Variants in OOSP3 observed in about 807,000 individuals in gnomAD.
The protein encoded by OOSP3 is oocyte secreted protein family member 3.
rs572501634 is a variant in OOSP3, at chr11:59,880,615, A to T, written c.252+176A>T. ...ACTTGGCCATAAAATATCATGGCAC[A>T]TAGCCCATTGTGGAGGAGAATACTT... On this transcript the variant is annotated intron_variant, in intron 2 of 4. Coordinates refer to ENST00000646438, the Ensembl canonical transcript of OOSP3. Among the ~76,000 whole-genome samples, 9 of 152,340 alleles carry T rather than the reference A, an allele frequency of 5.9e-5. No homozygotes were observed. The South Asian group carries it at 1.0e-3, about 18-fold the overall frequency.
At chr11:59,894,354 C>T (rs1179906223) in intron 3 of OOSP3, among the ~76,000 whole-genome samples, 178 bp downstream of exon 3, 1 of 152,196 alleles carries the variant, frequency 6.6e-6, no homozygotes, top group Admixed American at 6.5e-5. Flanking sequence ...GATGCTCTGC[C>T]CAAATGCCCT....
chr11:59,883,733 CAG>C (rs1269806975), intron 2 of OOSP3, among the ~76,000 whole-genome samples: 5 of 152,120 alleles, frequency 3.3e-5, no homozygotes, highest in Admixed American at 2.0e-4. Flanking sequence ...TTAAGAAAGA[CAG>C]GGGACTGCAC....
intron 2 of OOSP3, 43 bp from the exon 3 acceptor site, chr11:59,894,036 G>A: frequency 2.5e-6 from 1 of 398,238 alleles, no homozygotes; most frequent in African/African-American, 2.1e-5. Context: ...TAAAACTCCT[G>A]TGTGACATGA....
At chr11:59,893,385 T>G (rs1853329122) in intron 2 of OOSP3, among the ~76,000 whole-genome samples, 1 of 152,192 alleles carries the variant, frequency 6.6e-6, no homozygotes. Flanking sequence ...GACAGAGTCT[T>G]GTTCTGTCAT....
intron 3 of OOSP3, among the ~76,000 whole-genome samples, chr11:59,895,128 A>G (rs942466735): frequency 1.3e-5 from 2 of 152,182 alleles, no homozygotes; most frequent in Admixed American, 6.5e-5. Context: ...TTCAGGATCA[A>G]TGGATGAATG....
At chr11:59,886,476 A>G (rs540696922) in intron 2 of OOSP3, among the ~76,000 whole-genome samples, 1 of 152,324 alleles carries the variant, frequency 6.6e-6, no homozygotes, top group South Asian at 2.1e-4. Context: ...TTGAGTATAT[A>G]CCCAGTAATG....
chr11:59,889,224 T>C (rs535339165), intron 2 of OOSP3, among the ~76,000 whole-genome samples: 42 of 151,386 alleles, frequency 2.8e-4, no homozygotes, highest in African/African-American at 9.1e-4. Flanking sequence ...ACCTATTTTG[T>C]TGATTTTTTT....
chr11:59,888,393 G>A (rs1025429175), intron 2 of OOSP3, among the ~76,000 whole-genome samples: 1 of 152,166 alleles, frequency 6.6e-6, no homozygotes, highest in East Asian at 1.9e-4. Flanking sequence ...CAAGGGGAAT[G>A]TTTACAGGTT....
chr11:59,895,391 A>G (rs913237213), intron 3 of OOSP3, 111 bp from the exon 4 acceptor site: 1 of 392,934 alleles, frequency 2.5e-6, no homozygotes, highest in African/African-American at 2.1e-5. Context: ...TAAGTCTACT[A>G]CTGCTAAAGT....
chr11:59,882,560 C>T (rs998514007), intron 2 of OOSP3, among the ~76,000 whole-genome samples: 2 of 152,056 alleles, frequency 1.3e-5, no homozygotes, highest in African/African-American at 4.8e-5. Context: ...AAAGATTTTC[C>T]ATTTAAAGGG....
intron 2 of OOSP3, among the ~76,000 whole-genome samples, chr11:59,886,070 A>C (rs991891125): frequency 2.0e-5 from 3 of 151,222 alleles, no homozygotes; most frequent in Non-Finnish European, 4.4e-5. Context: ...ACAAGCCCCT[A>C]TGTGTGTTAT....
rs116529555 is a variant in OOSP3, at chr11:59,885,515, A to G, written c.252+5076A>G. On this transcript the variant is annotated intron_variant, in intron 2 of 4. Transcript: ENST00000646438. Reference sequence around the variant, plus strand: ...TCCCCAGTGTGTGTTGTTGTCCCCCATGTGTCCATGTGTTCTCATCATTCA... The same window carrying G: ...TCCCCAGTGTGTGTTGTTGTCCCCCGTGTGTCCATGTGTTCTCATCATTCA... Among the ~76,000 whole-genome samples the G allele has an allele frequency of 9.5e-3, 1,448 of 151,992 alleles. 14 individuals carry two copies. Among genetic ancestry groups the G allele is most frequent in the African/African-American group, 0.033 (1,363 of 41,450 alleles).
chr11:59,895,305 C>A (rs1464428667), intron 3 of OOSP3, among the ~76,000 whole-genome samples, 197 bp from the exon 4 acceptor site: 5 of 133,590 alleles, frequency 3.7e-5, no homozygotes, highest in African/African-American at 8.4e-5. Flanking sequence ...TTTTTTTGGA[C>A]TAACGCCCCT....
chr11:59,891,522 C>T (rs549354851), intron 2 of OOSP3, among the ~76,000 whole-genome samples: 2 of 152,240 alleles, frequency 1.3e-5, no homozygotes, highest in South Asian at 2.1e-4. Flanking sequence ...ATTCAGAACC[C>T]GCTTCTGCAA....
chr11:59,888,014 C>T (rs1025689963), intron 2 of OOSP3, among the ~76,000 whole-genome samples: 7 of 152,184 alleles, frequency 4.6e-5, no homozygotes, highest in African/African-American at 1.4e-4. Flanking sequence ...AGAAGTCCTT[C>T]ACTTCCCTTG....
intron 1 of OOSP3, among the ~76,000 whole-genome samples, chr11:59,879,521 TA>T (rs1468229616): frequency 6.6e-6 from 1 of 152,048 alleles, no homozygotes; most frequent in Admixed American, 6.6e-5. Context: ...GTTTTTTTTT[TA>T]AACCATGAAA....
At position 59,884,467 on chromosome 11, in the gene OOSP3, GTCTGTCTGTCTCTCTCTCTCTCTCTCTC is replaced by G. The variant is rs1161186166; in HGVS notation, c.252+4032_252+4059del. On this transcript the variant is annotated intron_variant, in intron 2 of 4. Coordinates refer to ENST00000646438, the Ensembl canonical transcript of OOSP3. Reference sequence around the variant, plus strand: ...TGTCTGTTTGTCTGTCTGTCTGTCTGTCTGTCTGTCTCTCTCTCTCTCTCTCTCTCTCTCTCTCTCTCTCTCTCTCTCT... The same window carrying G: ...TGTCTGTTTGTCTGTCTGTCTGTCTGTCTCTCTCTCTCTCTCTCTCTCTCT... 6.5e-3 allele frequency among the ~76,000 whole-genome samples: 794 copies of G among 121,980 alleles called. 6 individuals are homozygous for G. The highest frequency in any genetic ancestry group is 0.023 in the African/African-American group (708 of 30,182). The allele number at this position is 121,980 out of a possible 152,430, so 80.0% of individuals were successfully genotyped here. A position where few individuals can be genotyped will look rare whatever the true frequency, so the allele number is the denominator to read the frequency against.
intron 2 of OOSP3, among the ~76,000 whole-genome samples, chr11:59,884,449 TTGTCTGTCTGTC>T (rs1174429243): frequency 4.7e-4 from 66 of 139,764 alleles, no homozygotes; most frequent in African/African-American, 1.3e-3. Flanking sequence ...TCATGTCTGT[TTGTCTGTCTGTC>T]TGTCTGTCTG....
intron 2 of OOSP3, among the ~76,000 whole-genome samples, chr11:59,883,179 G>A (rs960699504): frequency 6.6e-6 from 1 of 152,090 alleles, no homozygotes; most frequent in African/African-American, 2.4e-5. Flanking sequence ...TCAATGAAAG[G>A]TCTAGCAATC....
Sources: allele counts gnomAD v4.1 joint callset (sites outside exome capture counted in the v4.1 genomes callset), GRCh38; gene constraint gnomAD v4.1.1; transcripts MANE v1.5; gene names NCBI Gene and HGNC (gene_info 2026-07-23, HGNC 2026-07-21).